The following CPA6 variants were observed in gnomAD, a reference collection of about 807,000 sequenced individuals.
CPA6 encodes the protein carboxypeptidase B.
A neutral mutation model predicts 63.3 loss-of-function variants in CPA6; 58 were observed. That is an observed-to-expected ratio of 0.92 (90% confidence interval 0.74 to 1.14). CPA6 has a LOEUF of 1.14. Ranked by LOEUF, CPA6 falls within the 50% of genes most tolerant of loss-of-function variation. The probability of loss-of-function intolerance (pLI) is 0.00; values close to 1 mark genes in which losing one functional copy is unlikely to be tolerated. For synonymous variants in CPA6, 185 were observed against 179.0 expected, an observed-to-expected ratio of 1.03 and a Z score of -0.27; for missense variants, 565 against 526.6, an observed-to-expected ratio of 1.07 and a Z score of -0.71.
chr8:67,436,133 G>A (rs372787155), intron 8 of CPA6, among the ~76,000 whole-genome samples: 4 of 152,196 alleles, frequency 2.6e-5, no homozygotes, highest in Admixed American at 6.5e-5. Context: ...TCACCCACCA[G>A]CTATTTCCCC....
rs147446050 is a variant in CPA6, at chr8:67,614,916, T to C, written c.192+9260A>G. On this transcript the variant is annotated intron_variant, in intron 2 of 10. Transcript: ENST00000297770. The stretch of plus-strand genomic sequence containing the variant: ...AACACAATTGACCAGTGACATTATG[T>C]CTCCAGGGGTCTTACTTTTAAGCAC... Among the ~76,000 whole-genome samples, 368 of 152,338 alleles carry C rather than the reference T, an allele frequency of 2.4e-3. 1 individual carries two copies. The highest frequency in any genetic ancestry group is 8.3e-3 in the African/African-American group (343 of 41,574).
chr8:67,473,358 A>C, intron 8 of CPA6, among the ~76,000 whole-genome samples: 1 of 152,234 alleles, frequency 6.6e-6, no homozygotes, highest in East Asian at 1.9e-4. Context: ...TCTAGTAGAT[A>C]CATTATTTTA....
At chr8:67,668,150 A>G (rs529014155) in intron 1 of CPA6, among the ~76,000 whole-genome samples, 5 of 152,364 alleles carry the variant, frequency 3.3e-5, no homozygotes, top group African/African-American at 7.2e-5. Flanking sequence ...TTTGCTCAAC[A>G]TGCTTTGCCT....
chr8:67,666,229 C>G (rs1471822183), intron 1 of CPA6, among the ~76,000 whole-genome samples: 1 of 152,216 alleles, frequency 6.6e-6, no homozygotes, highest in Non-Finnish European at 1.5e-5. Context: ...ACCTATTTTA[C>G]TATTCTTCCC....
At chr8:67,439,481 T>C (rs974701373) in intron 8 of CPA6, among the ~76,000 whole-genome samples, 3 of 151,130 alleles carry the variant, frequency 2.0e-5, no homozygotes, top group Non-Finnish European at 4.4e-5. Context: ...CCCAGCTACT[T>C]GGGAGGCTGA....
intron 1 of CPA6, among the ~76,000 whole-genome samples, chr8:67,650,846 G>C (rs547946948): frequency 6.6e-6 from 1 of 152,280 alleles, no homozygotes; most frequent in East Asian, 1.9e-4. Context: ...GGACCACTTG[G>C]TAGGTTTTAA....
At chr8:67,529,778 T>C (rs1000061240) in intron 2 of CPA6, among the ~76,000 whole-genome samples, 1 of 152,072 alleles carries the variant, frequency 6.6e-6, no homozygotes, top group African/African-American at 2.4e-5. Context: ...AATAACTCAA[T>C]AGTGTCACGG....
chr8:67,742,128 T>TTGTGTGTGTGTGTGTGTGCGCG (rs10684467), intron 1 of CPA6, among the ~76,000 whole-genome samples: 1 of 150,568 alleles, frequency 6.6e-6, no homozygotes, highest in Admixed American at 6.6e-5. Context: ...TGTTCTACTT[T>TTGTGTGTGTGTGTGTGTGCGCG]TGTGTGTGTG....
At chr8:67,603,265 A>G (rs927071875) in intron 2 of CPA6, among the ~76,000 whole-genome samples, 1 of 152,042 alleles carries the variant, frequency 6.6e-6, no homozygotes, top group African/African-American at 2.4e-5. Context: ...TGTATTCTTT[A>G]CCTCCCAAGT....
chr8:67,430,894 C>T (rs1810012579), intron 9 of CPA6, among the ~76,000 whole-genome samples: 1 of 151,990 alleles, frequency 6.6e-6, no homozygotes, highest in Non-Finnish European at 1.5e-5. Context: ...CAGGGTCTCA[C>T]TCTGTCACCC....
intron 8 of CPA6, among the ~76,000 whole-genome samples, chr8:67,446,481 A>T (rs1254439746): frequency 6.6e-6 from 1 of 152,160 alleles, no homozygotes. Flanking sequence ...TAAGTAAAAA[A>T]AATTAGAAAA....
intron 2 of CPA6, among the ~76,000 whole-genome samples, chr8:67,592,985 A>G (rs1260738686): frequency 2.7e-5 from 4 of 149,456 alleles, no homozygotes; most frequent in Non-Finnish European, 5.9e-5. Context: ...TTAGGGTGTC[A>G]ATTTTGGATC....
chr8:67,691,163 T>A (rs1816805716), intron 1 of CPA6, among the ~76,000 whole-genome samples: 2 of 152,222 alleles, frequency 1.3e-5, no homozygotes, highest in South Asian at 4.1e-4. Flanking sequence ...AACCAAATAT[T>A]TGTCTCTTAG....
chr8:67,548,205 CT>C (rs1812863753), intron 2 of CPA6, among the ~76,000 whole-genome samples: 1 of 142,008 alleles, frequency 7.0e-6, no homozygotes, highest in Non-Finnish European at 1.5e-5. Flanking sequence ...TCCCCCTCCC[CT>C]CCCTTCCCCT....
chr8:67,624,342 A>C, intron 1 of CPA6, 91 bp from the exon 2 acceptor site: 1 of 634,104 alleles, frequency 1.6e-6, no homozygotes, highest in East Asian at 2.8e-5. Flanking sequence ...CTGCCTCTGC[A>C]TTTAAGAAGA....
Position 67,746,306 on chromosome 8 carries a change from A to G in CPA6, c.-177T>C. 1 of 473,844 alleles carries G rather than the reference A, an allele frequency of 2.1e-6. No individual in the cohort carries two copies. Among genetic ancestry groups the G allele is most frequent in the Non-Finnish European group, 3.8e-6 (1 of 260,220 alleles). 29.4% of individuals were successfully genotyped at this position (473,844 alleles called of 1,614,324 possible). On this transcript the variant is annotated 5_prime_UTR_variant, in exon 1 of 11. Transcript: ENST00000297770. The stretch of plus-strand genomic sequence containing the variant: ...TACAAGGGAAAAAAAAAGTTCAGGC[A>G]GCTGAGGAAGGGAAGTTGCTATTAC...
At chr8:67,499,893 C>T (rs181715668) in intron 6 of CPA6, among the ~76,000 whole-genome samples, 60 of 152,154 alleles carry the variant, frequency 3.9e-4, no homozygotes, top group Middle Eastern at 6.8e-3. Context: ...TAACCATTTG[C>T]CTGTTGATGG....
At chr8:67,557,907 T>C (rs960981053) in intron 2 of CPA6, among the ~76,000 whole-genome samples, 1 of 152,162 alleles carries the variant, frequency 6.6e-6, no homozygotes, top group Non-Finnish European at 1.5e-5. Flanking sequence ...TCCCCGTCCC[T>C]AGAGGCAAGA....
At chr8:67,532,542 C>T (rs1314517990) in intron 2 of CPA6, among the ~76,000 whole-genome samples, 1 of 151,874 alleles carries the variant, frequency 6.6e-6, no homozygotes, top group South Asian at 2.1e-4. Flanking sequence ...ATTAGCCAGG[C>T]GTGGTGGCGA....
Sources: allele counts gnomAD v4.1 joint callset (sites outside exome capture counted in the v4.1 genomes callset), GRCh38; gene constraint gnomAD v4.1.1; transcripts MANE v1.5; gene names NCBI Gene and HGNC (gene_info 2026-07-23, HGNC 2026-07-21).